NT5DC1: variants seen among roughly 807,000 people sequenced by gnomAD.
NT5DC1 encodes 5'-nucleotidase domain-containing protein 1.
Under a neutral mutation model 59.4 loss-of-function variants are expected in NT5DC1, and 42 were observed. The ratio of observed to expected loss-of-function variants is 0.71; its 90% CI spans 0.55 to 0.92. The LOEUF (loss-of-function observed/expected upper bound fraction) is 0.92. Ranked by LOEUF, NT5DC1 falls within the 40% of genes least tolerant of loss-of-function variation. The pLI is 0.00. For missense variants in NT5DC1, 501 were observed against 537.1 expected, an observed-to-expected ratio of 0.93 and a Z score of 0.66; for synonymous variants, 172 against 188.1, an observed-to-expected ratio of 0.91 and a Z score of 0.70.
intron 6 of NT5DC1, among the ~76,000 whole-genome samples, chr6:116,177,102 A>G (rs1422252892): frequency 6.6e-6 from 1 of 152,246 alleles, no homozygotes; most frequent in Non-Finnish European, 1.5e-5. Context: ...GACCGGTTTC[A>G]GTATAAATAC....
chr6:116,193,177 G>A (rs1288449322), intron 6 of NT5DC1, among the ~76,000 whole-genome samples: 3 of 151,938 alleles, frequency 2.0e-5, no homozygotes, highest in Non-Finnish European at 4.4e-5. Context: ...TGGCCTTTTA[G>A]TTTATTTGTG....
At position 116,189,868 on chromosome 6, in the gene NT5DC1, A is replaced by G. The variant is rs145549656; in HGVS notation, c.530-31186A>G. Among the ~76,000 whole-genome samples, 2 of 152,172 alleles carry G rather than the reference A, an allele frequency of 1.3e-5. 1 individual carries two copies. The highest frequency in any genetic ancestry group is 2.9e-5 in the Non-Finnish European group (2 of 67,924). ...AAATGCTTCCGTTCAGGGGAAGCAC[A>G]TAATTCTCTTATTGTATACTATGCT... On this transcript the variant is annotated intron_variant, in intron 6 of 11. Transcript: ENST00000319550.
At position 116,163,126 on chromosome 6, in the gene NT5DC1, C is replaced by CAAAAAAAA. The variant is rs71272373; in HGVS notation, c.529+45190_529+45197dup. Among the ~76,000 whole-genome samples, 385 of 84,186 alleles carry CAAAAAAAA rather than the reference C, an allele frequency of 4.6e-3. 16 individuals are homozygous for CAAAAAAAA. The highest frequency in any genetic ancestry group is 0.02 in the African/African-American group (251 of 12,682). 55.2% of individuals were successfully genotyped at this position (84,186 alleles called of 152,430 possible). A position where few individuals can be genotyped will look rare whatever the true frequency, so the allele number is the denominator to read the frequency against. ...TGGGAGACACAGCGAGACTCCGTCT[C>CAAAAAAAA]AAAAAAAAAAAAAAAATATATATAT... is the stretch of plus-strand genomic sequence containing the variant. On this transcript the variant is annotated intron_variant, in intron 6 of 11. Coordinates refer to ENST00000319550, the MANE Select transcript of NT5DC1 (RefSeq NM_152729.3).
chr6:116,219,229 C>G (rs988976020), intron 6 of NT5DC1, among the ~76,000 whole-genome samples: 6 of 152,222 alleles, frequency 3.9e-5, no homozygotes, highest in Non-Finnish European at 7.3e-5. Context: ...CATATGTCCA[C>G]TCCGCCATCT....
At chr6:116,161,313 C>T (rs1210841634) in intron 6 of NT5DC1, among the ~76,000 whole-genome samples, 1 of 151,116 alleles carries the variant, frequency 6.6e-6, no homozygotes, top group Admixed American at 6.6e-5. Flanking sequence ...GCACATTGTG[C>T]ACATGTACCC....
chr6:116,205,928 G>A (rs966659576), intron 6 of NT5DC1, among the ~76,000 whole-genome samples: 8 of 151,914 alleles, frequency 5.3e-5, no homozygotes, highest in African/African-American at 1.9e-4. Flanking sequence ...TGCACAATGA[G>A]ATTAGGTTTT....
intron 6 of NT5DC1, among the ~76,000 whole-genome samples, chr6:116,128,483 G>C (rs1430445633): frequency 6.6e-6 from 1 of 152,076 alleles, no homozygotes; most frequent in Non-Finnish European, 1.5e-5. Flanking sequence ...TATAACCTGA[G>C]TAATTTTTTT....
chr6:116,244,081 A>AT lies in NT5DC1; in HGVS notation c.*61dup. On this transcript the variant is annotated 3_prime_UTR_variant, in exon 12 of 12. Transcript: ENST00000319550. ...CATATATGCAGTTAAAAAAAAGTTA[A>AT]TTTTCAAAAAATACTGTAAAAGACT... 1.5e-6 allele frequency: 1 copy of AT among 662,622 alleles called. No individual in the cohort carries two copies. The highest frequency in any genetic ancestry group is 2.6e-6 in the Non-Finnish European group (1 of 383,484). 41.0% of individuals were successfully genotyped at this position (662,622 alleles called of 1,614,324 possible).
At chr6:116,162,465 A>T (rs1780357447) in intron 6 of NT5DC1, among the ~76,000 whole-genome samples, 1 of 152,060 alleles carries the variant, frequency 6.6e-6, no homozygotes, top group South Asian at 2.1e-4. Flanking sequence ...TGCCTAGTTT[A>T]TTTATAATTT....
At chr6:116,213,114 A>G (rs1582876433) in intron 6 of NT5DC1, among the ~76,000 whole-genome samples, 1 of 152,252 alleles carries the variant, frequency 6.6e-6, no homozygotes, top group South Asian at 2.1e-4. Context: ...GCTCCATAGG[A>G]TACCAACACA....
intron 6 of NT5DC1, chr6:116,137,350 A>G (rs752696913): frequency 9.2e-5 from 15 of 163,628 alleles, no homozygotes; most frequent in Non-Finnish European, 1.9e-4. Flanking sequence ...GTGATGTTCA[A>G]CTGAAACTTG....
chr6:116,223,158 T>C, intron 8 of NT5DC1, 27 bp downstream of exon 8: 1 of 1,255,226 alleles, frequency 8.0e-7, no homozygotes, highest in Non-Finnish European at 1.2e-6. Flanking sequence ...TTCTTTCTTT[T>C]CCTGTATACA....
At chr6:116,230,227 C>T in intron 8 of NT5DC1, among the ~76,000 whole-genome samples, 1 of 152,104 alleles carries the variant, frequency 6.6e-6, no homozygotes, top group African/African-American at 2.4e-5. Context: ...TAAAATTTCC[C>T]ACATCTTTTT....
At chr6:116,142,011 A>G (rs1355138344) in intron 6 of NT5DC1, among the ~76,000 whole-genome samples, 1 of 151,772 alleles carries the variant, frequency 6.6e-6, no homozygotes, top group Non-Finnish European at 1.5e-5. Flanking sequence ...TTAGATGAAA[A>G]CTCAAAAAAA....
At chr6:116,227,183 T>C (rs1781926905) in intron 8 of NT5DC1, among the ~76,000 whole-genome samples, 1 of 152,204 alleles carries the variant, frequency 6.6e-6, no homozygotes, top group African/African-American at 2.4e-5. Flanking sequence ...TTCTATGAGT[T>C]TGGCTTTTTT....
At chr6:116,129,529 G>A (rs549413415) in intron 6 of NT5DC1, among the ~76,000 whole-genome samples, 45 of 152,236 alleles carry the variant, frequency 3.0e-4, no homozygotes, top group African/African-American at 8.9e-4. Context: ...AAGCAAGCTC[G>A]GCCCCCTTTT....
chr6:116,125,700 G>A (rs189117705), intron 6 of NT5DC1: 4 of 459,076 alleles, frequency 8.7e-6, no homozygotes, highest in African/African-American at 6.0e-5. Flanking sequence ...ATTTTTGGAA[G>A]CTATACTCAG....
At chr6:116,111,852 A>G (rs1327449553) in intron 4 of NT5DC1, among the ~76,000 whole-genome samples, 3 of 152,196 alleles carry the variant, frequency 2.0e-5, no homozygotes, top group Non-Finnish European at 4.4e-5. Flanking sequence ...TTAGATATAG[A>G]ATGCCTTTGT....
At chr6:116,203,685 T>C (rs1781390440) in intron 6 of NT5DC1, among the ~76,000 whole-genome samples, 1 of 151,944 alleles carries the variant, frequency 6.6e-6, no homozygotes, top group Non-Finnish European at 1.5e-5. Flanking sequence ...ATGAACATCA[T>C]TTACATGTGA....
Sources: allele counts gnomAD v4.1 joint callset (sites outside exome capture counted in the v4.1 genomes callset), GRCh38; gene constraint gnomAD v4.1.1; transcripts MANE v1.5; gene names NCBI Gene and HGNC (gene_info 2026-07-23, HGNC 2026-07-21).